LCP2: variants seen among roughly 807,000 people sequenced by gnomAD.
The protein encoded by LCP2 is lymphocyte cytosolic protein 2.
In LCP2, 29 loss-of-function variants were observed where a neutral mutation model predicts 74.5. The ratio of observed to expected loss-of-function variants is 0.39; its 90% CI spans 0.29 to 0.53. The LOEUF (loss-of-function observed/expected upper bound fraction) is 0.53, where lower values mean the gene tolerates loss of function less well. Ranked by LOEUF, LCP2 falls within the 20% of genes least tolerant of loss-of-function variation. The probability of loss-of-function intolerance (pLI) is 0.72; values close to 1 mark genes in which losing one functional copy is unlikely to be tolerated. For missense variants in LCP2, 604 were observed against 634.6 expected (o/e 0.95, Z 0.52); for synonymous variants, 228 against 229.5 (o/e 0.99, Z 0.06).
At chr5:170,280,212 A>G (rs1298842775) in intron 3 of LCP2, among the ~76,000 whole-genome samples, 1 of 151,942 alleles carries the variant, frequency 6.6e-6, no homozygotes, top group East Asian at 1.9e-4. Flanking sequence ...CCCTGGGCTC[A>G]GATTTCAGAC....
At chr5:170,275,235 A>T in intron 5 of LCP2, 85 bp downstream of exon 5, 3 of 1,440,220 alleles carry the variant, frequency 2.1e-6, no homozygotes, top group Non-Finnish European at 2.0e-6. Context: ...AATGAACTCA[A>T]GGAGCCCCAG....
chr5:170,291,070 AAG>A (rs1161386626), intron 2 of LCP2, among the ~76,000 whole-genome samples: 1 of 151,544 alleles, frequency 6.6e-6, no homozygotes, highest in Non-Finnish European at 1.5e-5. Flanking sequence ...GAAGAAAAGA[AAG>A]AGAGGGAGAA....
chr5:170,293,132 G>A lies in LCP2; in HGVS notation c.141+178C>T, dbSNP rs10073134. Among the ~76,000 whole-genome samples, 349 of 152,276 alleles carry A rather than the reference G, an allele frequency of 2.3e-3. 1 individual carries two copies. Among genetic ancestry groups the A allele is most frequent in the African/African-American group, 8.2e-3 (339 of 41,546 alleles). ...AAGGTGTAAGTGGAAGATCAGAGAG[G>A]GGTTCTGGATGATAGGATCCTGAAA... On this transcript the variant is annotated intron_variant, in intron 2 of 20. Coordinates refer to ENST00000046794, the MANE Select transcript of LCP2 (RefSeq NM_005565.5).
At chr5:170,249,044 G>A (rs1314064729) in intron 20 of LCP2, among the ~76,000 whole-genome samples, 2 of 152,154 alleles carry the variant, frequency 1.3e-5, no homozygotes, top group Admixed American at 6.5e-5. Context: ...AATATGGGCC[G>A]GGTGCAGTAA....
At chr5:170,265,716 A>C (rs1761742334) in intron 10 of LCP2, among the ~76,000 whole-genome samples, 1 of 152,242 alleles carries the variant, frequency 6.6e-6, no homozygotes, top group Non-Finnish European at 1.5e-5. Context: ...CAGCAGCCTC[A>C]TATCCAAGAA....
Position 170,293,292 on chromosome 5 carries a change from G to A in LCP2, c.141+18C>T, listed in dbSNP as rs999487452. ...CGAACAGTCTTGGTTTCAGTGTGTT[G>A]GACTAGCCAGAGCTTACCAAGAAGC... On this transcript the variant is annotated intron_variant, in intron 2 of 20. Coordinates refer to ENST00000046794, the MANE Select transcript of LCP2 (RefSeq NM_005565.5). 1.9e-6 allele frequency: 3 copies of A among 1,603,032 alleles called. No homozygotes were observed. Among genetic ancestry groups the A allele is most frequent in the Non-Finnish European group, 2.6e-6 (3 of 1,174,312 alleles).
Position 170,261,151 on chromosome 5 carries a change from G to T in LCP2, c.927-14C>A. 1.3e-6 allele frequency: 2 copies of T among 1,591,654 alleles called. No homozygotes were observed. The highest frequency in any genetic ancestry group is 8.6e-7 in the Non-Finnish European group (1 of 1,160,518). On this transcript the variant is annotated splice_polypyrimidine_tract_variant and intron_variant, in intron 13 of 20. Transcript: ENST00000046794. ...CCCCATCCATGCCTGAAATGAATTA[G>T]GGCAAATAAAAAGAACTGAGCATGA...
intron 8 of LCP2, chr5:170,267,439 C>G (rs1761787002): frequency 1.1e-5 from 3 of 285,298 alleles, no homozygotes; most frequent in Non-Finnish European, 2.0e-5. Context: ...GGGGTCCCTA[C>G]CATAGAATCT....
At chr5:170,295,625 G>T (rs1433268717) in intron 1 of LCP2, among the ~76,000 whole-genome samples, 1 of 152,188 alleles carries the variant, frequency 6.6e-6, no homozygotes, top group East Asian at 1.9e-4. Flanking sequence ...GTTTGCATCT[G>T]CAGATCAATT....
At chr5:170,257,960 A>G (rs1299721520) in intron 16 of LCP2, 77 bp downstream of exon 16, 1 of 1,498,460 alleles carries the variant, frequency 6.7e-7, no homozygotes, top group Admixed American at 1.7e-5. Flanking sequence ...TTCTTTCTCA[A>G]TCTGCCTGGC....
In LCP2 at chr5:170,248,673, G is replaced by A. The variant is rs1173323678; in HGVS notation, c.*24C>T. ...TGTTGGCAACAGAGGCAGGAGGACG[G>A]TTCATTTGCTCGGCTATAACTTGCT... On this transcript the variant is annotated 3_prime_UTR_variant, in exon 21 of 21. Coordinates refer to ENST00000046794, the MANE Select transcript of LCP2 (RefSeq NM_005565.5). 6.3e-7 allele frequency: 1 copy of A among 1,589,962 alleles called. No homozygotes were observed. The highest frequency in any genetic ancestry group is 1.5e-5 in the African/African-American group (1 of 68,674).
At chr5:170,266,767 C>A in intron 10 of LCP2, 41 bp downstream of exon 10, 1 of 1,534,368 alleles carries the variant, frequency 6.5e-7, no homozygotes, top group East Asian at 2.2e-5. Context: ...TTTATAACAG[C>A]TTATCATTAT....
intron 2 of LCP2, among the ~76,000 whole-genome samples, chr5:170,289,599 CTTTCTTTCTTTCTTTCTT>C (rs1372654260): frequency 4.4e-3 from 647 of 145,802 alleles, no homozygotes; most frequent in African/African-American, 7.8e-3. Flanking sequence ...CCTTTTCTTT[CTTTCTTTCTTTCTTTCTT>C]TTTCTTTCTT....
At chr5:170,292,580 C>G (rs1014301746) in intron 2 of LCP2, among the ~76,000 whole-genome samples, 4 of 152,152 alleles carry the variant, frequency 2.6e-5, no homozygotes, top group Admixed American at 2.6e-4. Context: ...AAATTAGGAA[C>G]ATCTACCCCC....
chr5:170,267,959 T>C (rs1761798740), intron 8 of LCP2, among the ~76,000 whole-genome samples: 1 of 152,144 alleles, frequency 6.6e-6, no homozygotes, highest in African/African-American at 2.4e-5. Context: ...GACCGGGCTG[T>C]ATGCTCGAAG....
chr5:170,289,655 T>TTCTCTCTCTCTCTCTCTC (rs1561978370), intron 2 of LCP2, among the ~76,000 whole-genome samples: 23 of 113,876 alleles, frequency 2.0e-4, no homozygotes, highest in African/African-American at 8.0e-4. Flanking sequence ...CTTTCTTTCT[T>TTCTCTCTCTCTCTCTCTC]TCTTTCTTTC....
In LCP2 at chr5:170,260,842, C is replaced by T. The variant is rs553689500; in HGVS notation, c.957+265G>A. On this transcript the variant is annotated intron_variant, in intron 14 of 20. Coordinates refer to ENST00000046794, the MANE Select transcript of LCP2 (RefSeq NM_005565.5). ...TTTTCTCCTTGTGCCCTGTAATTACCGGCCCCTGGTAATGGAGCTGCAATT... is the reference window on the plus strand; with the variant it reads ...TTTTCTCCTTGTGCCCTGTAATTACTGGCCCCTGGTAATGGAGCTGCAATT... Among the ~76,000 whole-genome samples, 23 of 152,298 alleles carry T rather than the reference C, an allele frequency of 1.5e-4. No homozygotes were observed. In the South Asian group the frequency reaches 2.3e-3, roughly 15 times the overall value.
At chr5:170,258,253 CAGCTAGTATAA>C in intron 15 of LCP2, 87 bp from the exon 16 acceptor site, 1 of 1,402,154 alleles carries the variant, frequency 7.1e-7, no homozygotes, top group Non-Finnish European at 1.0e-6. Flanking sequence ...CAGTTAGAAA[CAGCTAGTATAA>C]AGAGGACACA....
chr5:170,271,874 G>A (rs1761901802), intron 6 of LCP2, among the ~76,000 whole-genome samples: 1 of 152,198 alleles, frequency 6.6e-6, no homozygotes, highest in South Asian at 2.1e-4. Context: ...ACAGCTTTGG[G>A]TGGCCTCAGG....
Sources: gnomAD v4.1 joint callset for allele counts (sites outside exome capture counted in the v4.1 genomes callset) on GRCh38, gnomAD v4.1.1 for gene constraint, MANE v1.5 for transcripts, NCBI Gene and HGNC (gene_info 2026-07-23, HGNC 2026-07-21) for gene names.